Variants in SNCB observed in about 807,000 individuals in gnomAD.
The protein encoded by SNCB is synuclein beta, also known as beta-synuclein.
Under a neutral mutation model 20.0 loss-of-function variants are expected in SNCB, and 8 were observed. That is an observed-to-expected ratio of 0.40 (90% CI 0.24 to 0.72). The LOEUF (loss-of-function observed/expected upper bound fraction) is 0.72, where lower values mean the gene tolerates loss of function less well. SNCB is among the 30% of genes least tolerant of loss of function. SNCB has a pLI of 0.37. For missense variants in SNCB, 125 were observed against 168.0 expected (o/e 0.74, Z 1.41); for synonymous variants, 56 against 65.4 (o/e 0.86, Z 0.69).
At chr5:176,627,983 G>A (rs1367681114) in intron 2 of SNCB, among the ~76,000 whole-genome samples, 2 of 152,142 alleles carry the variant, frequency 1.3e-5, no homozygotes, top group Non-Finnish European at 2.9e-5. Context: ...GACTGCAGAG[G>A]GTATCCCAGG....
rs1048643467 is a variant in SNCB at position 176,629,874 on chromosome 5, G to C, written c.-9-211C>G. ...TAGCGTCCTTGAAACCTGGGGACGC[G>C]GGAGGGGCCACTGCCTCGGTTATCC... On this transcript the variant is annotated intron_variant, in intron 1 of 5. Transcript: ENST00000393693. This position sits in a 1 kb window ranked among gnomAD's most constrained non-coding sequence, Gnocchi z 4.1. The C allele has an allele frequency of 1.7e-6, 1 of 594,590 alleles. No homozygotes were observed. The highest frequency in any genetic ancestry group is 1.9e-5 in the African/African-American group (1 of 53,112). The allele number at this position is 594,590 out of a possible 1,614,324, so 36.8% of individuals were successfully genotyped here. A position where few individuals can be genotyped will look rare whatever the true frequency, so the allele number is the denominator to read the frequency against.
intron 4 of SNCB, among the ~76,000 whole-genome samples, chr5:176,625,666 T>G (rs1219290635): frequency 6.6e-6 from 1 of 152,088 alleles, no homozygotes; most frequent in Non-Finnish European, 1.5e-5. Flanking sequence ...ACATGAGTGG[T>G]TCCCAGGGCT....
rs958416083 is a variant in SNCB, at chr5:176,626,979, C to G, written c.122-218G>C. Among the ~76,000 whole-genome samples the G allele has an allele frequency of 1.3e-5, 2 of 152,204 alleles. No homozygotes were observed. Among genetic ancestry groups the G allele is most frequent in the African/African-American group, 4.8e-5 (2 of 41,438 alleles). On this transcript the variant is annotated intron_variant, in intron 2 of 5. Coordinates refer to ENST00000393693, the MANE Select transcript of SNCB (RefSeq NM_003085.5). This position sits in a 1 kb window ranked among gnomAD's most constrained non-coding sequence, Gnocchi z 4.2. ...GGTTGCAGTTCTCTCCCACCTGATG[C>G]GATACCCCACCCCTCTAGTGGATGT... is the stretch of plus-strand genomic sequence containing the variant.
In SNCB at chr5:176,621,435, C is replaced by T. The variant is rs1759589831; in HGVS notation, c.283-132G>A. On this transcript the variant is annotated intron_variant, in intron 4 of 5. Coordinates refer to ENST00000393693, the MANE Select transcript of SNCB (RefSeq NM_003085.5). This position sits in a 1 kb window ranked among gnomAD's most constrained non-coding sequence, Gnocchi z 4.1. ...GGCAGAGCAAGGATAATTTCTAATT[C>T]AGTTATTTATTTGGAGTGCCTTGGA... 1 of 744,536 alleles carries T rather than the reference C, an allele frequency of 1.3e-6. No individual in the cohort carries two copies. Among genetic ancestry groups the T allele is most frequent in the Non-Finnish European group, 2.4e-6 (1 of 418,498 alleles). The allele number at this position is 744,536 out of a possible 1,614,324, so 46.1% of individuals were successfully genotyped here.
intron 4 of SNCB, among the ~76,000 whole-genome samples, chr5:176,623,714 T>C (rs13160179): frequency 0.17 from 25,394 of 151,924 alleles, 2,470 homozygotes; most frequent in East Asian, 0.32. Flanking sequence ...TGTACTTCAA[T>C]AAAAAGTTCA....
rs536670089 is a variant in SNCB, at chr5:176,620,930, C to G, written c.373-87G>C. 36 of 1,194,806 alleles carry G rather than the reference C, an allele frequency of 3.0e-5. No homozygotes were observed. In the East Asian group the frequency reaches 8.4e-4, roughly 28 times the overall value. 74.0% of individuals were successfully genotyped at this position (1,194,806 alleles called of 1,614,324 possible). The stretch of plus-strand genomic sequence containing the variant: ...AGTGGCCAAGCCCCGGCCCAAGAAC[C>G]CTCTCCCTGAAGGAGGAATAGCACA... On this transcript the variant is annotated intron_variant, in intron 5 of 5. Transcript: ENST00000393693. The surrounding 1 kb of genome is among the most constrained non-coding windows in gnomAD (Gnocchi z 4.5).
rs557793425 is a variant in SNCB, at chr5:176,626,216, A to T, written c.282+182T>A. On this transcript the variant is annotated intron_variant, in intron 4 of 5. Coordinates refer to ENST00000393693, the MANE Select transcript of SNCB (RefSeq NM_003085.5). This position sits in a 1 kb window ranked among gnomAD's most constrained non-coding sequence, Gnocchi z 4.2. ...GTCACACCCATGCACGCCTTTATTC[A>T]GATGCATTCTGAGCTGAGTCTAGCA... Among the ~76,000 whole-genome samples, 3 of 152,212 alleles carry T rather than the reference A, an allele frequency of 2.0e-5. No homozygotes were observed. The South Asian group carries it at 6.2e-4, about 32-fold the overall frequency.
At position 176,621,185 on chromosome 5, in the gene SNCB, A is replaced by C; in HGVS notation, c.372+29T>G. 4 of 1,563,632 alleles carry C rather than the reference A, an allele frequency of 2.6e-6. No individual in the cohort carries two copies. The highest frequency in any genetic ancestry group is 3.5e-6 in the Non-Finnish European group (4 of 1,139,756). On this transcript the variant is annotated intron_variant, in intron 5 of 5. Coordinates refer to ENST00000393693, the MANE Select transcript of SNCB (RefSeq NM_003085.5). This position sits in a 1 kb window ranked among gnomAD's most constrained non-coding sequence, Gnocchi z 4.1. ...GGCAGCAATCATCCTGGATTCCCAA[A>C]GTCCCGCCCAGCCCTGCTGCCCCCT...
chr5:176,629,524 C>T lies in SNCB; in HGVS notation c.121+10G>A, dbSNP rs746546337. On this transcript the variant is annotated intron_variant, in intron 2 of 5. Coordinates refer to ENST00000393693, the MANE Select transcript of SNCB (RefSeq NM_003085.5). The surrounding 1 kb of genome is among the most constrained non-coding windows in gnomAD (Gnocchi z 4.1). ...GCCCTGCAGCCCCAGAAACCCCGCC[C>T]CTTACCCACCGACGTAGAGGACGCC... The T allele has an allele frequency of 1.1e-5, 18 of 1,612,632 alleles. No individual in the cohort carries two copies. Among genetic ancestry groups the T allele is most frequent in the Admixed American group, 5.0e-5 (3 of 59,926 alleles).
rs1044405434 is a variant in SNCB at position 176,629,158 on chromosome 5, G to A, written c.121+376C>T. Among the ~76,000 whole-genome samples, 5 of 152,170 alleles carry A rather than the reference G, an allele frequency of 3.3e-5. No homozygotes were observed. The highest frequency in any genetic ancestry group is 2.1e-4 in the South Asian group (1 of 4,826). On this transcript the variant is annotated intron_variant, in intron 2 of 5. Transcript: ENST00000393693. The surrounding 1 kb of genome is among the most constrained non-coding windows in gnomAD (Gnocchi z 4.1). ...GTTTCCCTTACCTGTAGAATGGGCCGAAGCATTACATGAGGAAATGGATGT... is the reference window on the plus strand; with the variant it reads ...GTTTCCCTTACCTGTAGAATGGGCCAAAGCATTACATGAGGAAATGGATGT...
Position 176,630,485 on chromosome 5 carries a change from G to T in SNCB, c.-215C>A. The T allele has an allele frequency of 6.5e-6, 1 of 153,546 alleles. No individual in the cohort carries two copies. Among genetic ancestry groups the T allele is most frequent in the South Asian group, 1.9e-4 (1 of 5,308 alleles). The allele number at this position is 153,546 out of a possible 1,614,324, so 9.5% of individuals were successfully genotyped here. A position where few individuals can be genotyped will look rare whatever the true frequency, so the allele number is the denominator to read the frequency against. On this transcript the variant is annotated 5_prime_UTR_variant, in exon 1 of 6. Transcript: ENST00000393693. ...CCACCGCTCGTTCCTCGCGCCCTGC[G>T]AGCTCGCGCGCTCCGGCTCCGGCTC...
intron 2 of SNCB, among the ~76,000 whole-genome samples, chr5:176,628,663 T>A (rs1760127964): frequency 6.6e-6 from 1 of 152,038 alleles, no homozygotes; most frequent in Non-Finnish European, 1.5e-5. Context: ...CTCTTATTAC[T>A]CAGGGATGAG....
At position 176,629,634 on chromosome 5, in the gene SNCB, G is replaced by A. The variant is rs1168214550; in HGVS notation, c.21C>T (p.Gly7=). MDVFMK[G]LSMAKEGVVA... is the part of the protein sequence containing the mutation. ...CAACGCCCTCCTTGGCCATGGACAG[G>A]CCCTTCATGAACACGTCCATCCTGG... The change falls in exon 2 of 6, where the codon GGC becomes GGT. Residue 7 remains glycine (G), a synonymous_variant. Transcript: ENST00000393693. This position sits in a 1 kb window ranked among gnomAD's most constrained non-coding sequence, Gnocchi z 4.1. 1 of 1,613,696 alleles carries A rather than the reference G, an allele frequency of 6.2e-7. No homozygotes were observed. Among genetic ancestry groups the A allele is most frequent in the African/African-American group, 1.3e-5 (1 of 74,912 alleles).
In SNCB at chr5:176,621,096, G is replaced by T; in HGVS notation, c.372+118C>A. 1 of 877,836 alleles carries T rather than the reference G, an allele frequency of 1.1e-6. No individual in the cohort carries two copies. The allele number at this position is 877,836 out of a possible 1,614,324, so 54.4% of individuals were successfully genotyped here. On this transcript the variant is annotated intron_variant, in intron 5 of 5. Coordinates refer to ENST00000393693, the MANE Select transcript of SNCB (RefSeq NM_003085.5). This position sits in a 1 kb window ranked among gnomAD's most constrained non-coding sequence, Gnocchi z 4.1. ...ACCTCCTGGGGCCTGGGTTCTAGAA[G>T]AGGGATGTCAAGCTCCCTGGCCCAA...
chr5:176,620,786 T>A lies in SNCB; in HGVS notation c.*25A>T. The stretch of plus-strand genomic sequence containing the variant: ...GGCAGGGACAGGGACAGAATTGTGC[T>A]GCTGGTGGGGGCTCTCCTGGGCCCC... On this transcript the variant is annotated 3_prime_UTR_variant, in exon 6 of 6. Coordinates refer to ENST00000393693, the MANE Select transcript of SNCB (RefSeq NM_003085.5). This position sits in a 1 kb window ranked among gnomAD's most constrained non-coding sequence, Gnocchi z 4.5. The A allele has an allele frequency of 6.2e-7, 1 of 1,600,048 alleles. No individual in the cohort carries two copies. The highest frequency in any genetic ancestry group is 2.2e-5 in the East Asian group (1 of 44,846).
In SNCB at chr5:176,620,933, CT is replaced by C; in HGVS notation, c.373-91del. On this transcript the variant is annotated intron_variant, in intron 5 of 5. Transcript: ENST00000393693. This position sits in a 1 kb window ranked among gnomAD's most constrained non-coding sequence, Gnocchi z 4.5. ...GGCCAAGCCCCGGCCCAAGAACCCT[CT>C]CCCTGAAGGAGGAATAGCACATTCC... 1.7e-6 allele frequency: 2 copies of C among 1,155,948 alleles called. No individual in the cohort carries two copies. Among genetic ancestry groups the C allele is most frequent in the Non-Finnish European group, 1.3e-6 (1 of 763,734 alleles). 71.6% of individuals were successfully genotyped at this position (1,155,948 alleles called of 1,614,324 possible).
chr5:176,623,178 AGGAGTTTGAGACTAG>A (rs1759714483), intron 4 of SNCB, among the ~76,000 whole-genome samples: 16 of 152,068 alleles, frequency 1.1e-4, no homozygotes, highest in Admixed American at 1.3e-4. Flanking sequence ...ACTTGAGGTC[AGGAGTTTGAGACTAG>A]CCTGGCCAAC....
intron 2 of SNCB, among the ~76,000 whole-genome samples, chr5:176,627,493 T>C (rs986074931): frequency 1.3e-5 from 2 of 152,242 alleles, no homozygotes; most frequent in South Asian, 4.1e-4. Flanking sequence ...GGGTAGCAAC[T>C]TGATAACTTC....
At chr5:176,628,965 T>G (rs1262354247) in intron 2 of SNCB, among the ~76,000 whole-genome samples, 1 of 151,978 alleles carries the variant, frequency 6.6e-6, no homozygotes, top group African/African-American at 2.4e-5. Flanking sequence ...AGAGTTGTGA[T>G]GCAGGTGGAC....
Sources: allele counts gnomAD v4.1 joint callset (sites outside exome capture counted in the v4.1 genomes callset), GRCh38; gene constraint gnomAD v4.1.1; non-coding constraint Gnocchi (gnomAD v3.1); transcripts MANE v1.5; gene names NCBI Gene and HGNC (gene_info 2026-07-23, HGNC 2026-07-21).